Variants in STAT4 observed in about 807,000 individuals in gnomAD.
The protein encoded by STAT4 is signal transducer and activator of transcription 4.
A neutral mutation model predicts 110.5 loss-of-function variants in STAT4; 42 were observed. The ratio of observed to expected loss-of-function variants is 0.38; its 90% CI spans 0.30 to 0.49. The LOEUF (loss-of-function observed/expected upper bound fraction) is 0.49. STAT4 is among the 20% of genes least tolerant of loss of function. The pLI is 0.95. For missense variants in STAT4, 632 were observed against 887.9 expected, an observed-to-expected ratio of 0.71 and a Z score of 3.66; for synonymous variants, 284 against 302.2, an observed-to-expected ratio of 0.94 and a Z score of 0.63.
intron 14 of STAT4, among the ~76,000 whole-genome samples, chr2:191,044,728 TAG>T (rs1212021603): frequency 6.6e-6 from 1 of 152,080 alleles, no homozygotes; most frequent in African/African-American, 2.4e-5. Context: ...AGCCAGAAGA[TAG>T]AGTGCTCCCA....
intron 3 of STAT4, among the ~76,000 whole-genome samples, chr2:191,128,385 A>C (rs758107643): frequency 6.6e-6 from 1 of 152,196 alleles, no homozygotes; most frequent in Non-Finnish European, 1.5e-5. Context: ...GAGGGAACTG[A>C]GAAAGCAACA....
intron 3 of STAT4, among the ~76,000 whole-genome samples, chr2:191,101,944 T>A (rs987659394): frequency 1.1e-4 from 17 of 152,132 alleles, no homozygotes; most frequent in African/African-American, 4.1e-4. Flanking sequence ...TATGTCATTA[T>A]TACATAACAT....
intron 3 of STAT4, among the ~76,000 whole-genome samples, chr2:191,098,249 G>C (rs922293153): frequency 2.6e-5 from 4 of 152,080 alleles, no homozygotes; most frequent in Admixed American, 6.6e-5. Flanking sequence ...TTGACCCAGC[G>C]ATCCCATTAC....
At position 191,094,357 on chromosome 2, in the gene STAT4, C is replaced by T. The variant is rs1697897221; in HGVS notation, c.274-18032G>A. Among the ~76,000 whole-genome samples, 3 of 152,296 alleles carry T rather than the reference C, an allele frequency of 2.0e-5. No homozygotes were observed. In the South Asian group the frequency reaches 6.2e-4, roughly 32 times the overall value. The stretch of plus-strand genomic sequence containing the variant: ...CCAGAGAGAAAGGTTGGGTTACCCA[C>T]AAAGGGAAGCCCATCAGACTAACAG... On this transcript the variant is annotated intron_variant, in intron 3 of 23. Coordinates refer to ENST00000392320, the MANE Select transcript of STAT4 (RefSeq NM_003151.4).
At chr2:191,136,024 C>CAAAAAAAAAAAAAAAAAAAAAAAAAAAA (rs1699173501) in intron 3 of STAT4, among the ~76,000 whole-genome samples, 1 of 43,722 alleles carries the variant, frequency 2.3e-5, no homozygotes, top group Non-Finnish European at 5.5e-5. Context: ...AAAAAAAAAC[C>CAAAAAAAAAAAAAAAAAAAAAAAAAAAA]AAAAAACAAA....
At position 191,150,427 on chromosome 2, in the gene STAT4, G is replaced by A. The variant is rs919584484; in HGVS notation, c.-2+520C>T. ...CATTTCCTAGAAGATCCCACTAAAG[G>A]GGCATTTTGTCCCACCGTCTGTGAG... On this transcript the variant is annotated intron_variant, in intron 1 of 23. Coordinates refer to ENST00000392320, the MANE Select transcript of STAT4 (RefSeq NM_003151.4). The surrounding 1 kb of genome is among the most constrained non-coding windows in gnomAD (Gnocchi z 6.4). Among the ~76,000 whole-genome samples the A allele has an allele frequency of 6.6e-6, 1 of 152,114 alleles. No homozygotes were observed. The highest frequency in any genetic ancestry group is 1.5e-5 in the Non-Finnish European group (1 of 68,020).
At chr2:191,055,783 T>C (rs1417474397) in intron 13 of STAT4, among the ~76,000 whole-genome samples, 1 of 152,252 alleles carries the variant, frequency 6.6e-6, no homozygotes, top group Non-Finnish European at 1.5e-5. Context: ...TTATATATTG[T>C]ACCTGCTGAA....
In STAT4 at chr2:191,064,936, T is replaced by C; in HGVS notation, c.653A>G (p.Gln218Arg). 1.2e-6 allele frequency: 2 copies of C among 1,605,262 alleles called. No homozygotes were observed. The highest frequency in any genetic ancestry group is 1.7e-6 in the Non-Finnish European group (2 of 1,176,300). Residue 218 changes from glutamine to arginine, a missense_variant, in exon 8 of 24, where the codon CAA becomes CGA. Physicochemically the swap from Gln to Arg is conservative, Grantham distance 43. Around this residue, in one of 4 missense-constraint regions of STAT4, gnomAD observed 488 missense variants for 632.8 expected, o/e 0.77. Transcript: ENST00000392320. ...TAACAGGTCTGTCTCATGGATGATT[T>C]GGGTCATTTTACTGAGAGCCTCCTA... ...KRKEALSKMTQIIHETDLLMN... is the reference protein window; with the variant it reads ...KRKEALSKMTRIIHETDLLMN...
intron 3 of STAT4, among the ~76,000 whole-genome samples, chr2:191,139,760 A>G (rs1335472182): frequency 6.6e-6 from 1 of 152,208 alleles, no homozygotes; most frequent in Non-Finnish European, 1.5e-5. Flanking sequence ...CAATCCTAAA[A>G]TTCATATGAA....
In STAT4 at chr2:191,147,721, T is replaced by C. The variant is rs991272403; in HGVS notation, c.128+355A>G. 6.6e-6 allele frequency among the ~76,000 whole-genome samples: 1 copy of C among 152,156 alleles called. No homozygotes were observed. The highest frequency in any genetic ancestry group is 2.4e-5 in the African/African-American group (1 of 41,440). ...AAAAAATTAAATGGTATAAGGTGAA[T>C]AGAGCTTTGAAGAGTATAAATCTTA... On this transcript the variant is annotated intron_variant, in intron 2 of 23. Coordinates refer to ENST00000392320, the MANE Select transcript of STAT4 (RefSeq NM_003151.4). The surrounding 1 kb of genome is among the most constrained non-coding windows in gnomAD (Gnocchi z 4.1).
chr2:191,129,193 A>G (rs375441572), intron 3 of STAT4, among the ~76,000 whole-genome samples: 1 of 152,224 alleles, frequency 6.6e-6, no homozygotes, highest in Admixed American at 6.5e-5. Flanking sequence ...ACATGAATTC[A>G]TTTACCAGTT....
In STAT4 at chr2:191,036,387, C is replaced by T. The variant is rs1237353451; in HGVS notation, c.1435-88G>A. The T allele has an allele frequency of 3.7e-6, 5 of 1,353,700 alleles. No homozygotes were observed. The Admixed American group carries it at 7.8e-5, about 21-fold the overall frequency. The allele number at this position is 1,353,700 out of a possible 1,614,324, so 83.9% of individuals were successfully genotyped here. ...AGCAGGGCAAGAGAGGTCTCCCCCT[C>T]TCCCCACACACATACTAGGAGTGTT... On this transcript the variant is annotated intron_variant, in intron 16 of 23. Coordinates refer to ENST00000392320, the MANE Select transcript of STAT4 (RefSeq NM_003151.4).
chr2:191,085,656 T>C (rs1697616162), intron 3 of STAT4, among the ~76,000 whole-genome samples: 1 of 152,164 alleles, frequency 6.6e-6, no homozygotes, highest in African/African-American at 2.4e-5. Flanking sequence ...CCTTTCAAAA[T>C]TGGTTCAAAG....
At chr2:191,141,869 C>A (rs1305717575) in intron 3 of STAT4, among the ~76,000 whole-genome samples, 2 of 151,924 alleles carry the variant, frequency 1.3e-5, no homozygotes, top group East Asian at 3.9e-4. Flanking sequence ...GACCTCAGTA[C>A]TGGAATTACA....
At chr2:191,151,369 T>C (rs765694346), upstream of STAT4, 30 of 985,574 alleles carry the variant, frequency 3.0e-5, no homozygotes, top group African/African-American at 3.5e-5. The surrounding 1 kb of genome is among the most constrained non-coding windows in gnomAD (Gnocchi z 4.7). Flanking sequence ...CTCTCCCTAG[T>C]ATAAGGCTCC....
chr2:191,095,142 CAAT>C (rs1028619221), intron 3 of STAT4, among the ~76,000 whole-genome samples: 1 of 152,066 alleles, frequency 6.6e-6, no homozygotes, highest in Non-Finnish European at 1.5e-5. Context: ...GACTCCCACA[CAAT>C]AATAACTTTA....
At position 191,117,479 on chromosome 2, in the gene STAT4, G is replaced by T. The variant is rs4341966; in HGVS notation, c.273+29134C>A. 0.21 allele frequency among the ~76,000 whole-genome samples: 32,167 copies of T among 152,050 alleles called. 3,491 individuals are homozygous for T. Among genetic ancestry groups the T allele is most frequent in the East Asian group, 0.26 (1,342 of 5,182 alleles). On this transcript the variant is annotated intron_variant, in intron 3 of 23. Transcript: ENST00000392320. This position sits in a 1 kb window ranked among gnomAD's most constrained non-coding sequence, Gnocchi z 5.2. ...CCCATTAGACTCTATCTTTATTACT[G>T]TAAGTCGATTCTCATCTATCTAAAG...
rs369166845 is a variant in STAT4 at position 191,115,326 on chromosome 2, ACAAAG to A, written c.273+31282_273+31286del. Among the ~76,000 whole-genome samples the A allele has an allele frequency of 3.8e-4, 58 of 152,340 alleles. No homozygotes were observed. The South Asian group carries it at 0.011, about 29-fold the overall frequency. ...GAGATGTCTGCTTCATTGGTGATGA[ACAAAG>A]CTATTGTTCAAGGCTCAGAGAGGAA... On this transcript the variant is annotated intron_variant, in intron 3 of 23. Transcript: ENST00000392320.
intron 4 of STAT4, among the ~76,000 whole-genome samples, 173 bp from the exon 5 acceptor site, chr2:191,073,363 A>T (rs1184842669): frequency 6.6e-6 from 1 of 152,262 alleles, no homozygotes; most frequent in African/African-American, 2.4e-5. Context: ...TTAAAGGGTT[A>T]AAATTTGAAG....
Sources: allele counts gnomAD v4.1 joint callset (sites outside exome capture counted in the v4.1 genomes callset), GRCh38; gene constraint gnomAD v4.1.1; regional missense constraint gnomAD v4.1.1; non-coding constraint Gnocchi (gnomAD v3.1); transcripts MANE v1.5; gene names NCBI Gene and HGNC (gene_info 2026-07-23, HGNC 2026-07-21).